MAP4K3: variants seen among roughly 807,000 people sequenced by gnomAD.
The protein encoded by MAP4K3 is mitogen-activated protein kinase kinase kinase kinase 3, also known as MAPK/ERK kinase kinase kinase 3.
A neutral mutation model predicts 143.5 loss-of-function variants in MAP4K3; 94 were observed. The observed-to-expected ratio is 0.65, with a 90% CI of 0.55 to 0.78. MAP4K3 has a LOEUF of 0.78. Ranked by LOEUF, MAP4K3 falls within the 30% of genes least tolerant of loss-of-function variation. The pLI, the probability that MAP4K3 is intolerant of heterozygous loss-of-function variation, is 0.00. For synonymous variants in MAP4K3, 416 were observed against 347.2 expected, an observed-to-expected ratio of 1.20 and a Z score of -2.20; for missense variants, 1,077 against 1,068.1, an observed-to-expected ratio of 1.01 and a Z score of -0.12.
At chr2:39,251,021 A>C (rs1395862945) in intron 33 of MAP4K3, among the ~76,000 whole-genome samples, 1 of 152,248 alleles carries the variant, frequency 6.6e-6, no homozygotes, top group Non-Finnish European at 1.5e-5. Flanking sequence ...TTCAAGAACC[A>C]GAAGCTAAAT....
At chr2:39,371,784 A>G (rs1573210748) in intron 2 of MAP4K3, among the ~76,000 whole-genome samples, 1 of 151,946 alleles carries the variant, frequency 6.6e-6, no homozygotes, top group African/African-American at 2.4e-5. Flanking sequence ...AGAGCTAAGA[A>G]GGTCACTACA....
intron 12 of MAP4K3, among the ~76,000 whole-genome samples, chr2:39,318,497 T>C (rs1214430565): frequency 6.6e-6 from 1 of 152,142 alleles, no homozygotes; most frequent in African/African-American, 2.4e-5. Flanking sequence ...TAAACATAAA[T>C]ACTCTCATTT....
At chr2:39,306,244 T>C (rs1377631127) in intron 15 of MAP4K3, among the ~76,000 whole-genome samples, 1 of 152,254 alleles carries the variant, frequency 6.6e-6, no homozygotes, top group African/African-American at 2.4e-5. Context: ...TCTTTATTTC[T>C]GCAATAAATT....
chr2:39,372,214 C>T (rs1666101289), intron 2 of MAP4K3, among the ~76,000 whole-genome samples: 1 of 150,572 alleles, frequency 6.6e-6, no homozygotes. Context: ...AATAAAACAC[C>T]TAGGAATTAA....
chr2:39,301,970 G>A (rs1010771703), intron 15 of MAP4K3, among the ~76,000 whole-genome samples: 1 of 151,884 alleles, frequency 6.6e-6, no homozygotes, highest in Non-Finnish European at 1.5e-5. Flanking sequence ...GTTGCAGTGA[G>A]CCAACATTGC....
chr2:39,336,131 CA>C (rs1393892625), intron 6 of MAP4K3, among the ~76,000 whole-genome samples: 1 of 152,102 alleles, frequency 6.6e-6, no homozygotes, highest in Non-Finnish European at 1.5e-5. Context: ...GGGCTAACCC[CA>C]GCACATTCAG....
At chr2:39,351,202 C>T (rs182666693) in intron 3 of MAP4K3, among the ~76,000 whole-genome samples, 2 of 152,310 alleles carry the variant, frequency 1.3e-5, no homozygotes, top group East Asian at 3.9e-4. Context: ...CCCTCTCAGG[C>T]TCTAATGTGA....
intron 1 of MAP4K3, among the ~76,000 whole-genome samples, chr2:39,417,215 C>CTTTTT (rs1243263619): frequency 9.7e-5 from 13 of 133,780 alleles, no homozygotes; most frequent in Non-Finnish European, 9.7e-5. Context: ...GGTTTCTTTT[C>CTTTTT]TTTTTTTTTT....
chr2:39,368,297 G>C (rs997704926), intron 2 of MAP4K3, among the ~76,000 whole-genome samples: 5 of 151,336 alleles, frequency 3.3e-5, no homozygotes, highest in Non-Finnish European at 7.4e-5. Flanking sequence ...TAGATTTTAA[G>C]GGAAGTGAAG....
At chr2:39,405,597 G>A (rs999265188) in intron 1 of MAP4K3, among the ~76,000 whole-genome samples, 1 of 152,164 alleles carries the variant, frequency 6.6e-6, no homozygotes, top group Non-Finnish European at 1.5e-5. Flanking sequence ...GGCTGGGCAC[G>A]ATGCTCACAC....
intron 16 of MAP4K3, among the ~76,000 whole-genome samples, chr2:39,299,391 G>A (rs1682417750): frequency 6.6e-6 from 1 of 152,052 alleles, no homozygotes; most frequent in Non-Finnish European, 1.5e-5. Context: ...TGTTTTTAGT[G>A]ACCAACCCAT....
chr2:39,397,580 T>TA (rs1203795569), intron 1 of MAP4K3, among the ~76,000 whole-genome samples: 1 of 152,048 alleles, frequency 6.6e-6, no homozygotes, highest in Non-Finnish European at 1.5e-5. Context: ...CCAATAAAAG[T>TA]ATCAATTTTT....
chr2:39,251,756 AAAAG>A, intron 33 of MAP4K3, 70 bp downstream of exon 33: 1 of 1,254,606 alleles, frequency 8.0e-7, no homozygotes, highest in African/African-American at 1.5e-5. Flanking sequence ...ATTCTCTTGA[AAAAG>A]AAATCTGTTT....
Position 39,415,980 on chromosome 2 carries a change from AATATAT to A in MAP4K3, c.96+20906_96+20911del, listed in dbSNP as rs1553318574. Reference sequence around the variant, plus strand: ...AAAAAAAAAAAAAAAAAAAAAAAAAAATATATATATATATATATATATATAAAAATA... The same window carrying A: ...AAAAAAAAAAAAAAAAAAAAAAAAAAATATATATATATATATATAAAAATA... On this transcript the variant is annotated intron_variant, in intron 1 of 33. Transcript: ENST00000263881. 1.2e-3 allele frequency among the ~76,000 whole-genome samples: 18 copies of A among 14,754 alleles called. 2 individuals carry two copies. The highest frequency in any genetic ancestry group is 6.3e-3 in the South Asian group (2 of 320). The allele number at this position is 14,754 out of a possible 152,430, so 9.7% of individuals were successfully genotyped here.
In MAP4K3 at chr2:39,383,849, A is replaced by G. The variant is rs376157922; in HGVS notation, c.97-5726T>C. Reference sequence around the variant, plus strand: ...CCACATGTACATGGCTCATGTCTGTAATTCCAGCACTTTGCGAGGCAAAAG... The same window carrying G: ...CCACATGTACATGGCTCATGTCTGTGATTCCAGCACTTTGCGAGGCAAAAG... On this transcript the variant is annotated intron_variant, in intron 1 of 33. Transcript: ENST00000263881. 1.1e-3 allele frequency among the ~76,000 whole-genome samples: 163 copies of G among 152,254 alleles called. 1 individual carries two copies. The highest frequency in any genetic ancestry group is 3.9e-3 in the African/African-American group (160 of 41,550).
At chr2:39,400,320 C>T (rs1027541376) in intron 1 of MAP4K3, among the ~76,000 whole-genome samples, 19 of 152,136 alleles carry the variant, frequency 1.2e-4, no homozygotes, top group Middle Eastern at 3.2e-3. Flanking sequence ...ATCCTTGCAT[C>T]GAAGCTTTCA....
chr2:39,415,992 T>A (rs1429267276), intron 1 of MAP4K3, among the ~76,000 whole-genome samples: 17 of 85,518 alleles, frequency 2.0e-4, no homozygotes, highest in Non-Finnish European at 2.2e-4. Context: ...TATATATATA[T>A]ATATATATAT....
At chr2:39,380,959 C>T (rs1228878423) in intron 1 of MAP4K3, among the ~76,000 whole-genome samples, 2 of 152,152 alleles carry the variant, frequency 1.3e-5, no homozygotes, top group Non-Finnish European at 1.5e-5. Flanking sequence ...CAGACCCATT[C>T]GCAGTCACTC....
intron 1 of MAP4K3, among the ~76,000 whole-genome samples, chr2:39,417,020 A>G (rs1031198998): frequency 2.0e-5 from 3 of 152,238 alleles, no homozygotes; most frequent in African/African-American, 7.2e-5. Flanking sequence ...AGTTCACAGA[A>G]TAATGCTTAG....
Sources: gnomAD v4.1 joint callset for allele counts (sites outside exome capture counted in the v4.1 genomes callset) on GRCh38, gnomAD v4.1.1 for gene constraint, MANE v1.5 for transcripts, NCBI Gene and HGNC (gene_info 2026-07-23, HGNC 2026-07-21) for gene names.